Variants in SPART observed in about 807,000 individuals in gnomAD.
SPART encodes spartin.
SPART carries 35 observed loss-of-function variants against 58.7 expected under a neutral mutation model. That is an observed-to-expected ratio of 0.60 (90% confidence interval 0.46 to 0.79). The LOEUF (loss-of-function observed/expected upper bound fraction) is 0.79, where lower values mean the gene tolerates loss of function less well. Among genes scored for constraint, SPART ranks in the 30% least tolerant of loss-of-function variants. The probability of loss-of-function intolerance (pLI) is 0.00; values close to 1 mark genes in which losing one functional copy is unlikely to be tolerated. For synonymous variants in SPART, 284 were observed against 280.7 expected (o/e 1.01, Z -0.12); for missense variants, 730 against 786.1 (o/e 0.93, Z 0.85).
intron 1 of SPART, among the ~76,000 whole-genome samples, chr13:36,357,501 C>A (rs1478869455): frequency 6.6e-6 from 1 of 152,216 alleles, no homozygotes. Flanking sequence ...GAATGTCCTA[C>A]GCTGTGCAGC....
chr13:36,315,488 T>A (rs1881597124), intron 5 of SPART, among the ~76,000 whole-genome samples: 1 of 152,238 alleles, frequency 6.6e-6, no homozygotes, highest in African/African-American at 2.4e-5. Context: ...CCAGCAATCA[T>A]GTGAAAACCA....
intron 1 of SPART, among the ~76,000 whole-genome samples, chr13:36,336,128 A>G (rs1883985816): frequency 6.6e-6 from 1 of 152,222 alleles, no homozygotes; most frequent in Non-Finnish European, 1.5e-5. Flanking sequence ...GTTTCTTATA[A>G]TAGTTTCCTA....
chr13:36,356,267 C>G (rs1885618864), intron 1 of SPART, among the ~76,000 whole-genome samples: 1 of 152,188 alleles, frequency 6.6e-6, no homozygotes, highest in Non-Finnish European at 1.5e-5. Flanking sequence ...CTGGTCGAGG[C>G]CGTGCTTTAC....
chr13:36,341,287 T>A (rs928511989), intron 1 of SPART, among the ~76,000 whole-genome samples: 5 of 152,352 alleles, frequency 3.3e-5, no homozygotes, highest in African/African-American at 1.2e-4. Flanking sequence ...GCAAGCCACA[T>A]ATGTAATTTA....
rs1813426808 is a variant in SPART at position 36,303,703 on chromosome 13, C to T, written c.*662G>A. On this transcript the variant is annotated 3_prime_UTR_variant, in exon 9 of 9. Transcript: ENST00000438666. ...CAAATTTCCTAGGCTCATAACAATA[C>T]AGTCTCAATACAAAAGACGTAATAA... 2 of 152,694 alleles carry T rather than the reference C, an allele frequency of 1.3e-5. No individual in the cohort carries two copies. The highest frequency in any genetic ancestry group is 4.1e-4 in the South Asian group (2 of 4,830). The allele number at this position is 152,694 out of a possible 1,614,324, so 9.5% of individuals were successfully genotyped here.
At chr13:36,316,196 T>G (rs900679513) in intron 5 of SPART, among the ~76,000 whole-genome samples, 1 of 152,208 alleles carries the variant, frequency 6.6e-6, no homozygotes, top group Non-Finnish European at 1.5e-5. Context: ...ATTCCCTAAC[T>G]CAAACCTAAC....
intron 1 of SPART, among the ~76,000 whole-genome samples, chr13:36,338,818 CT>C (rs1406875343): frequency 6.6e-6 from 1 of 152,108 alleles, no homozygotes; most frequent in African/African-American, 2.4e-5. Context: ...CTTGAGGAAT[CT>C]GATCATCACC....
chr13:36,360,798 A>C (rs1593295235), intron 1 of SPART: 1 of 152,630 alleles, frequency 6.6e-6, no homozygotes. Context: ...TTTCACATCA[A>C]TATTTATATT....
At chr13:36,337,494 G>A (rs751662121) in intron 1 of SPART, among the ~76,000 whole-genome samples, 3 of 152,170 alleles carry the variant, frequency 2.0e-5, no homozygotes, top group Non-Finnish European at 2.9e-5. Flanking sequence ...AACATCTGAT[G>A]GTTTTATAAG....
chr13:36,314,576 G>T, intron 5 of SPART, 155 bp from the exon 6 acceptor site: 3 of 762,046 alleles, frequency 3.9e-6, no homozygotes, highest in Non-Finnish European at 6.6e-6. Flanking sequence ...CTTTATACCT[G>T]CAGTTTTCTT....
chr13:36,306,751 A>G (rs903962858), intron 8 of SPART, among the ~76,000 whole-genome samples: 6 of 87,970 alleles, frequency 6.8e-5, no homozygotes, highest in East Asian at 8.3e-4. Context: ...TAATTTGGGA[A>G]AAAAAAACAG....
At chr13:36,363,957 T>C (rs1885964569) in intron 1 of SPART, among the ~76,000 whole-genome samples, 2 of 152,134 alleles carry the variant, frequency 1.3e-5, no homozygotes, top group Admixed American at 6.5e-5. Flanking sequence ...ACTACAGGCC[T>C]TATTTTGATT....
At chr13:36,352,834 C>A (rs1282151696) in intron 1 of SPART, among the ~76,000 whole-genome samples, 1 of 151,820 alleles carries the variant, frequency 6.6e-6, no homozygotes, top group African/African-American at 2.4e-5. Flanking sequence ...GTGGCACACA[C>A]CTGTAGCTCC....
At chr13:36,341,085 A>G (rs1403825796) in intron 1 of SPART, among the ~76,000 whole-genome samples, 1 of 152,212 alleles carries the variant, frequency 6.6e-6, no homozygotes, top group African/African-American at 2.4e-5. Flanking sequence ...TAAAACTGAA[A>G]AAGTGCCAAT....
At chr13:36,308,768 A>G (rs1880773216) in intron 8 of SPART, among the ~76,000 whole-genome samples, 2 of 152,152 alleles carry the variant, frequency 1.3e-5, no homozygotes, top group South Asian at 4.1e-4. Context: ...TGTTCTTGCT[A>G]CAAATAAAGA....
intron 1 of SPART, among the ~76,000 whole-genome samples, chr13:36,344,839 T>C (rs1442525498): frequency 6.6e-6 from 1 of 152,206 alleles, no homozygotes; most frequent in Non-Finnish European, 1.5e-5. Flanking sequence ...CCTACACCAG[T>C]GTACAGTCTT....
intron 1 of SPART, among the ~76,000 whole-genome samples, chr13:36,344,044 A>C (rs1884820768): frequency 6.6e-6 from 1 of 151,700 alleles, no homozygotes; most frequent in African/African-American, 2.4e-5. Flanking sequence ...TTAAAAAAAA[A>C]AAAAAAAGAA....
In SPART at chr13:36,312,136, T is replaced by G; in HGVS notation, c.1733+9A>C. 1 of 1,609,284 alleles carries G rather than the reference T, an allele frequency of 6.2e-7. No homozygotes were observed. Among genetic ancestry groups the G allele is most frequent in the South Asian group, 1.1e-5 (1 of 90,976 alleles). ...AGAGATTTAGTCATTAAAATAAAATTCAACTTACTTGTATCTGACAGTTTG... is the reference window on the plus strand; with the variant it reads ...AGAGATTTAGTCATTAAAATAAAATGCAACTTACTTGTATCTGACAGTTTG... On this transcript the variant is annotated intron_variant, in intron 8 of 8. Coordinates refer to ENST00000438666, the MANE Select transcript of SPART (RefSeq NM_015087.5).
At chr13:36,317,424 CCAA>C (rs1186007788) in intron 5 of SPART, among the ~76,000 whole-genome samples, 2 of 152,012 alleles carry the variant, frequency 1.3e-5, no homozygotes, top group Non-Finnish European at 2.9e-5. Flanking sequence ...TTTCCGTGCC[CCAA>C]CCTCTTATAT....
Sources: allele counts gnomAD v4.1 joint callset (sites outside exome capture counted in the v4.1 genomes callset), GRCh38; gene constraint gnomAD v4.1.1; transcripts MANE v1.5; gene names NCBI Gene and HGNC (gene_info 2026-07-23, HGNC 2026-07-21).